The following PLCB1 variants were observed in gnomAD, a reference collection of about 807,000 sequenced individuals.
PLCB1 encodes the protein phospholipase C beta 1.
In PLCB1, 46 loss-of-function variants were observed where a neutral mutation model predicts 161.8. The ratio of observed to expected loss-of-function variants is 0.28; its 90% CI spans 0.22 to 0.36. PLCB1 has a LOEUF of 0.36. Among genes scored for constraint, PLCB1 ranks in the 10% least tolerant of loss-of-function variants. PLCB1 has a pLI of 1.00. For synonymous variants in PLCB1, 517 were observed against 503.7 expected, an observed-to-expected ratio of 1.03 and a Z score of -0.35; for missense variants, 1,016 against 1,472.5, an observed-to-expected ratio of 0.69 and a Z score of 5.07.
intron 3 of PLCB1, among the ~76,000 whole-genome samples, chr20:8,405,215 G>T (rs546121432): frequency 4.6e-5 from 7 of 152,234 alleles, no homozygotes; most frequent in African/African-American, 1.7e-4. Context: ...CTGCTGATTT[G>T]GGCTGGGGTC....
intron 2 of PLCB1, among the ~76,000 whole-genome samples, chr20:8,328,136 G>A (rs1473879726): frequency 3.9e-5 from 6 of 152,056 alleles, no homozygotes; most frequent in Admixed American, 3.9e-4. Flanking sequence ...GCTCCAATGA[G>A]CATTTCTTTT....
At chr20:8,751,701 A>T (rs2123550037) in intron 23 of PLCB1, 1 of 152,100 alleles carries the variant, frequency 6.6e-6, no homozygotes, top group African/African-American at 2.4e-5. Context: ...TTTTTTCACT[A>T]CCCACCTAAG....
chr20:8,719,026 G>A (rs1979485489), intron 14 of PLCB1, among the ~76,000 whole-genome samples: 2 of 152,066 alleles, frequency 1.3e-5, no homozygotes, highest in Non-Finnish European at 2.9e-5. Flanking sequence ...AGATTGCTGT[G>A]GTTGATGAGA....
At position 8,558,147 on chromosome 20, in the gene PLCB1, A is replaced by G. The variant is rs1000762353; in HGVS notation, c.247-70147A>G. Among the ~76,000 whole-genome samples the G allele has an allele frequency of 1.8e-4, 27 of 152,064 alleles. No homozygotes were observed. In the East Asian group the frequency reaches 3.1e-3, roughly 17 times the overall value. On this transcript the variant is annotated intron_variant, in intron 3 of 31. Transcript: ENST00000338037. Reference sequence around the variant, plus strand: ...ATAGTCAAAAATAATTTAATTACACATTTTAAAATAGCTAAAAGCATATCA... The same window carrying G: ...ATAGTCAAAAATAATTTAATTACACGTTTTAAAATAGCTAAAAGCATATCA...
intron 3 of PLCB1, among the ~76,000 whole-genome samples, chr20:8,459,898 G>A (rs897157685): frequency 1.3e-5 from 2 of 152,158 alleles, no homozygotes; most frequent in African/African-American, 4.8e-5. Flanking sequence ...TTAAGTTACT[G>A]TGTAATATAT....
chr20:8,876,319 A>G (rs201200384), intron 31 of PLCB1, among the ~76,000 whole-genome samples: 3 of 152,160 alleles, frequency 2.0e-5, no homozygotes, highest in East Asian at 1.9e-4. Flanking sequence ...AGGTCTTATG[A>G]ACTTAAGATT....
chr20:8,749,367 G>A lies in PLCB1; in HGVS notation c.2524-7679G>A, dbSNP rs139147414. 3.3e-5 allele frequency among the ~76,000 whole-genome samples: 5 copies of A among 152,270 alleles called. No homozygotes were observed. The East Asian group carries it at 9.7e-4, about 29-fold the overall frequency. ...TAATTCCATCCACTCTAAAATGACA[G>A]CTTAATCACAGAAACCTGGGAAGGG... On this transcript the variant is annotated intron_variant, in intron 23 of 31. Transcript: ENST00000338037.
intron 2 of PLCB1, among the ~76,000 whole-genome samples, chr20:8,274,591 C>T (rs1982438745): frequency 6.6e-6 from 1 of 151,958 alleles, no homozygotes; most frequent in Admixed American, 6.6e-5. Context: ...GTTCTCCTGC[C>T]TCATTTGCCA....
chr20:8,812,332 C>T (rs1196348512), intron 31 of PLCB1, among the ~76,000 whole-genome samples: 1 of 152,080 alleles, frequency 6.6e-6, no homozygotes, highest in Non-Finnish European at 1.5e-5. Context: ...GCTCATGACA[C>T]CTCATATCTT....
intron 2 of PLCB1, among the ~76,000 whole-genome samples, chr20:8,345,247 T>G (rs1267208551): frequency 1.3e-5 from 2 of 152,132 alleles, no homozygotes; most frequent in African/African-American, 4.8e-5. Flanking sequence ...AGTTTGAAAC[T>G]TGGGTTCCTT....
chr20:8,193,261 A>G (rs1009161645), intron 2 of PLCB1, among the ~76,000 whole-genome samples: 16 of 152,044 alleles, frequency 1.1e-4, no homozygotes, highest in Non-Finnish European at 1.9e-4. Context: ...CTGAAAGTCC[A>G]GCTTCTGTAA....
chr20:8,811,734 G>A lies in PLCB1; in HGVS notation c.3423+21473G>A, dbSNP rs531646545. Among the ~76,000 whole-genome samples, 136 of 152,306 alleles carry A rather than the reference G, an allele frequency of 8.9e-4. 1 individual carries two copies. In the South Asian group the frequency reaches 0.012, roughly 14 times the overall value. On this transcript the variant is annotated intron_variant, in intron 31 of 31. Transcript: ENST00000338037. ...TACTTACACAACTTACATCATGATC[G>A]TCAGAGCCGATACAGAAAGCCACAG... is the stretch of plus-strand genomic sequence containing the variant.
At chr20:8,330,773 T>C (rs1417211773) in intron 2 of PLCB1, among the ~76,000 whole-genome samples, 1 of 152,212 alleles carries the variant, frequency 6.6e-6, no homozygotes, top group Non-Finnish European at 1.5e-5. Flanking sequence ...CATTTGTTGC[T>C]AGTTGAGTTG....
intron 3 of PLCB1, among the ~76,000 whole-genome samples, chr20:8,567,761 A>T (rs975264746): frequency 3.9e-5 from 6 of 152,134 alleles, no homozygotes; most frequent in African/African-American, 7.2e-5. Flanking sequence ...TAAATACTTT[A>T]AAAAAATCAT....
At chr20:8,822,732 C>T (rs540700429) in intron 31 of PLCB1, among the ~76,000 whole-genome samples, 2 of 152,162 alleles carry the variant, frequency 1.3e-5, no homozygotes, top group Non-Finnish European at 2.9e-5. Context: ...TCATTGAAAA[C>T]CCCAGCTGGG....
chr20:8,683,892 T>A (rs1217381422), intron 9 of PLCB1, among the ~76,000 whole-genome samples: 1 of 151,864 alleles, frequency 6.6e-6, no homozygotes, highest in Non-Finnish European at 1.5e-5. Flanking sequence ...AAAACACCTT[T>A]TTTTTTTTTG....
intron 2 of PLCB1, among the ~76,000 whole-genome samples, chr20:8,310,241 A>G (rs1349103982): frequency 6.6e-6 from 1 of 152,194 alleles, no homozygotes; most frequent in Admixed American, 6.5e-5. Context: ...AAAACAAATT[A>G]TCGAAATCAG....
At chr20:8,268,728 C>T (rs922507472) in intron 2 of PLCB1, among the ~76,000 whole-genome samples, 2 of 152,172 alleles carry the variant, frequency 1.3e-5, no homozygotes, top group East Asian at 1.9e-4. Flanking sequence ...TGATGATGAG[C>T]ATTTTTTCAT....
At chr20:8,679,262 A>G (rs556950031) in intron 9 of PLCB1, among the ~76,000 whole-genome samples, 11 of 152,338 alleles carry the variant, frequency 7.2e-5, no homozygotes, top group Admixed American at 7.2e-4. Flanking sequence ...CCTTAAAAGT[A>G]GGTTTTTAGA....
Sources: gnomAD v4.1 joint callset for allele counts (sites outside exome capture counted in the v4.1 genomes callset) on GRCh38, gnomAD v4.1.1 for gene constraint, MANE v1.5 for transcripts, NCBI Gene and HGNC (gene_info 2026-07-23, HGNC 2026-07-21) for gene names.